Variants in MIPOL1 observed in about 807,000 individuals in gnomAD.
The protein encoded by MIPOL1 is mirror-image polydactyly 1, also known as mirror-image polydactyly gene 1 protein.
A neutral mutation model predicts 60.9 loss-of-function variants in MIPOL1; 57 were observed. The ratio of observed to expected loss-of-function variants is 0.94; its 90% CI spans 0.76 to 1.17. The LOEUF (loss-of-function observed/expected upper bound fraction) is 1.17. MIPOL1 is among the 50% of genes most tolerant of loss of function. MIPOL1 has a pLI of 0.00. For synonymous variants in MIPOL1, 179 were observed against 168.8 expected (o/e 1.06, Z -0.47); for missense variants, 551 against 511.6 (o/e 1.08, Z -0.74).
At chr14:37,340,594 C>T (rs2090496239) in intron 9 of MIPOL1, among the ~76,000 whole-genome samples, 1 of 151,596 alleles carries the variant, frequency 6.6e-6, no homozygotes, top group Non-Finnish European at 1.5e-5. Flanking sequence ...CCTGTAGTTC[C>T]AGCTCCTGCC....
At position 37,310,765 on chromosome 14, in the gene MIPOL1, A is replaced by T. The variant is rs1042771958; in HGVS notation, c.828+2246A>T. On this transcript the variant is annotated intron_variant, in intron 9 of 12. Transcript: ENST00000684589. The stretch of plus-strand genomic sequence containing the variant: ...TTTGGATGAGGCCTCCCAAACTGAG[A>T]GCTGAGTATTTGCAAGGGCCCGACT... 7.9e-5 allele frequency among the ~76,000 whole-genome samples: 12 copies of T among 152,136 alleles called. 1 individual carries two copies. Among genetic ancestry groups the T allele is most frequent in the African/African-American group, 2.6e-4 (11 of 41,528 alleles).
Position 37,240,940 on chromosome 14 carries a change from TACAC to T in MIPOL1, c.-198-6137_-198-6134del, listed in dbSNP as rs10554089. 6.3e-3 allele frequency among the ~76,000 whole-genome samples: 925 copies of T among 145,916 alleles called. 7 individuals carry two copies. Among genetic ancestry groups the T allele is most frequent in the Middle Eastern group, 0.039 (11 of 282 alleles). On this transcript the variant is annotated intron_variant, in intron 1 of 12. Coordinates refer to ENST00000684589, the MANE Select transcript of MIPOL1 (RefSeq NM_001388067.1). ...TACCAGTAGGTGACACACACACACA[TACAC>T]ACACACACACACACACACACACACA...
At chr14:37,350,331 A>G (rs1315454089) in intron 9 of MIPOL1, among the ~76,000 whole-genome samples, 1 of 152,072 alleles carries the variant, frequency 6.6e-6, no homozygotes, top group East Asian at 1.9e-4. Flanking sequence ...TCCTGCCTCA[A>G]ACCCCAAAGT....
chr14:37,209,295 A>G (rs964007314), intron 1 of MIPOL1, among the ~76,000 whole-genome samples: 4 of 152,146 alleles, frequency 2.6e-5, no homozygotes, highest in African/African-American at 9.7e-5. Context: ...GCATTTGGCA[A>G]TTGTGTCATT....
intron 11 of MIPOL1, among the ~76,000 whole-genome samples, chr14:37,498,533 A>T (rs891478950): frequency 3.9e-5 from 6 of 152,168 alleles, no homozygotes; most frequent in African/African-American, 1.2e-4. Flanking sequence ...TGGGCAAGAG[A>T]CAGCCTTTAA....
chr14:37,420,115 T>C (rs1479718940), intron 10 of MIPOL1, among the ~76,000 whole-genome samples: 1 of 148,662 alleles, frequency 6.7e-6, no homozygotes, highest in Non-Finnish European at 1.5e-5. Context: ...AAAAGCAAGG[T>C]GTGTATAACA....
At chr14:37,231,306 T>C (rs1299384303) in intron 1 of MIPOL1, among the ~76,000 whole-genome samples, 5 of 152,150 alleles carry the variant, frequency 3.3e-5, no homozygotes, top group Non-Finnish European at 7.4e-5. Context: ...CAGGCTGGTC[T>C]CAAACTCCTG....
chr14:37,426,493 G>A (rs2093961279), intron 11 of MIPOL1, among the ~76,000 whole-genome samples: 2 of 148,686 alleles, frequency 1.3e-5, no homozygotes, highest in Admixed American at 6.7e-5. Context: ...CACTTGAGGT[G>A]GAGGTTGCAG....
At chr14:37,217,220 G>T (rs1005856276) in intron 1 of MIPOL1, among the ~76,000 whole-genome samples, 1 of 152,058 alleles carries the variant, frequency 6.6e-6, no homozygotes, top group Admixed American at 6.6e-5. Context: ...ACCTGAACAG[G>T]CTAGTAATAA....
intron 6 of MIPOL1, chr14:37,277,210 T>C (rs920116832): frequency 7.9e-5 from 12 of 151,246 alleles, no homozygotes; most frequent in African/African-American, 2.9e-4. Context: ...AATAAAACTT[T>C]TCAGAAAGTT....
At chr14:37,308,154 G>T in intron 8 of MIPOL1, 65 bp downstream of exon 8, 1 of 1,474,056 alleles carries the variant, frequency 6.8e-7, no homozygotes, top group South Asian at 1.2e-5. Context: ...AAGTTCAATT[G>T]AGTGGGTTTC....
chr14:37,440,943 A>G (rs577714360), intron 11 of MIPOL1, among the ~76,000 whole-genome samples: 19 of 152,220 alleles, frequency 1.2e-4, no homozygotes, highest in African/African-American at 4.3e-4. Flanking sequence ...CTTTCTAATA[A>G]TGGCCATTCT....
intron 11 of MIPOL1, among the ~76,000 whole-genome samples, chr14:37,488,603 C>T (rs1645231571): frequency 3.3e-5 from 5 of 151,694 alleles, no homozygotes; most frequent in South Asian, 2.1e-4. Flanking sequence ...ACAAGTGCTT[C>T]GTACAGGAGC....
intron 3 of MIPOL1, 112 bp from the exon 4 acceptor site, chr14:37,266,826 A>T: frequency 1.4e-6 from 1 of 722,506 alleles, no homozygotes; most frequent in Non-Finnish European, 2.3e-6. Context: ...AAGACTAGAA[A>T]CTATATGTTT....
chr14:37,204,060 A>G (rs1003977018), intron 1 of MIPOL1, among the ~76,000 whole-genome samples: 2 of 151,790 alleles, frequency 1.3e-5, no homozygotes, highest in Non-Finnish European at 2.9e-5. Flanking sequence ...GGGATTACAG[A>G]CGTGAGCCAC....
At chr14:37,521,565 G>A (rs773784762) in intron 12 of MIPOL1, among the ~76,000 whole-genome samples, 2 of 151,800 alleles carry the variant, frequency 1.3e-5, no homozygotes, top group Admixed American at 6.6e-5. Flanking sequence ...GGCTATTAGC[G>A]ATGGAAATTA....
At chr14:37,322,842 A>C (rs1449827445) in intron 9 of MIPOL1, among the ~76,000 whole-genome samples, 1 of 151,996 alleles carries the variant, frequency 6.6e-6, no homozygotes, top group African/African-American at 2.4e-5. Flanking sequence ...TTTCTTGTAA[A>C]TGTGTTTAAG....
intron 7 of MIPOL1, among the ~76,000 whole-genome samples, chr14:37,291,578 G>A (rs879462766): frequency 7.3e-5 from 11 of 151,684 alleles, no homozygotes; most frequent in South Asian, 2.1e-4. Flanking sequence ...AATGCCAACC[G>A]TGGGTAGGAA....
intron 9 of MIPOL1, among the ~76,000 whole-genome samples, chr14:37,316,387 G>A (rs2087896173): frequency 6.6e-6 from 1 of 151,960 alleles, no homozygotes; most frequent in African/African-American, 2.4e-5. Context: ...GTGAATTCAA[G>A]CAAAGTGAAG....
Sources: allele counts gnomAD v4.1 joint callset (sites outside exome capture counted in the v4.1 genomes callset), GRCh38; gene constraint gnomAD v4.1.1; transcripts MANE v1.5; gene names NCBI Gene and HGNC (gene_info 2026-07-23, HGNC 2026-07-21).